GPC6: variants seen among roughly 807,000 people sequenced by gnomAD.
GPC6 encodes glypican-6.
A neutral mutation model predicts 55.2 loss-of-function variants in GPC6; 14 were observed. The observed-to-expected ratio is 0.25, with a 90% CI of 0.17 to 0.40. The LOEUF (loss-of-function observed/expected upper bound fraction) is 0.40. Ranked by LOEUF, GPC6 falls within the 10% of genes least tolerant of loss-of-function variation. The pLI, the probability that GPC6 is intolerant of heterozygous loss-of-function variation, is 1.00. For synonymous variants in GPC6, 278 were observed against 259.6 expected (o/e 1.07, Z -0.68); for missense variants, 641 against 708.5 (o/e 0.90, Z 1.08).
At chr13:94,353,323 C>CTAAT (rs1022206846) in intron 6 of GPC6, among the ~76,000 whole-genome samples, 2 of 152,204 alleles carry the variant, frequency 1.3e-5, no homozygotes, top group Middle Eastern at 3.4e-3. Context: ...AATCCAAAAC[C>CTAAT]TAATTTTTTT....
chr13:93,434,270 C>T (rs994703339), intron 1 of GPC6, among the ~76,000 whole-genome samples: 1 of 152,180 alleles, frequency 6.6e-6, no homozygotes, highest in African/African-American at 2.4e-5. Context: ...TCAGCTACTA[C>T]ATAGCACAGC....
At chr13:93,659,387 C>T (rs1475882189) in intron 2 of GPC6, among the ~76,000 whole-genome samples, 1 of 151,952 alleles carries the variant, frequency 6.6e-6, no homozygotes, top group Non-Finnish European at 1.5e-5. Context: ...TCTTCTCAAT[C>T]TGTATGAGAA....
intron 4 of GPC6, among the ~76,000 whole-genome samples, chr13:94,092,317 A>G (rs1885517470): frequency 6.6e-6 from 1 of 152,196 alleles, no homozygotes; most frequent in African/African-American, 2.4e-5. Flanking sequence ...TGCCCCTGCC[A>G]ACCACCATTC....
chr13:94,305,897 C>A, intron 5 of GPC6, 83 bp from the exon 6 acceptor site: 6 of 1,253,544 alleles, frequency 4.8e-6, no homozygotes, highest in South Asian at 4.8e-5. Flanking sequence ...AATGTGGACA[C>A]CATTGCATTG....
Position 93,696,305 on chromosome 13 carries a change from G to T in GPC6, c.320-133849G>T, listed in dbSNP as rs75981599. ...ACAAACTTTGAATATTTAGAGTTTT[G>T]GTATTGCTTTTAACGAAAGTTAAAA... On this transcript the variant is annotated intron_variant, in intron 2 of 8. Transcript: ENST00000377047. Among the ~76,000 whole-genome samples, 125 of 152,010 alleles carry T rather than the reference G, an allele frequency of 8.2e-4. 1 individual carries two copies. The East Asian group carries it at 0.024, about 29-fold the overall frequency.
chr13:94,359,098 C>A (rs189196572), intron 6 of GPC6, among the ~76,000 whole-genome samples: 4 of 152,250 alleles, frequency 2.6e-5, no homozygotes, highest in Admixed American at 6.5e-5. Flanking sequence ...ATAAATAACA[C>A]CCCACTTTCA....
chr13:93,696,968 T>G (rs571396281), intron 2 of GPC6, among the ~76,000 whole-genome samples: 7 of 152,168 alleles, frequency 4.6e-5, no homozygotes, highest in Middle Eastern at 3.4e-3. Context: ...ATTTCTTGAG[T>G]CATCAACTTC....
chr13:94,156,001 A>G lies in GPC6; in HGVS notation c.877+128107A>G, dbSNP rs1018375023. Among the ~76,000 whole-genome samples, 3 of 152,188 alleles carry G rather than the reference A, an allele frequency of 2.0e-5. No homozygotes were observed. In the South Asian group the frequency reaches 6.2e-4, roughly 32 times the overall value. ...TTCGAAGGATGAGGAAAGAAGCCCA[A>G]AGAAGTAGGGTAGCATGCCTGGGCT... On this transcript the variant is annotated intron_variant, in intron 4 of 8. Transcript: ENST00000377047.
chr13:94,184,964 A>G (rs1889119805), intron 4 of GPC6, among the ~76,000 whole-genome samples: 2 of 152,196 alleles, frequency 1.3e-5, no homozygotes. Flanking sequence ...TGCAACCATA[A>G]AAAAGAATGA....
intron 3 of GPC6, among the ~76,000 whole-genome samples, chr13:93,924,036 A>G (rs563901490): frequency 6.6e-6 from 1 of 152,302 alleles, no homozygotes; most frequent in East Asian, 1.9e-4. Context: ...GTGCAGTGCA[A>G]TAGCAGTGTG....
chr13:94,241,461 C>T (rs193166651), intron 4 of GPC6, among the ~76,000 whole-genome samples: 6 of 152,238 alleles, frequency 3.9e-5, no homozygotes, highest in African/African-American at 1.4e-4. Context: ...ACTCATTATA[C>T]ATATTTTCAC....
chr13:94,246,773 A>G (rs1396329414), intron 4 of GPC6, among the ~76,000 whole-genome samples: 2 of 152,032 alleles, frequency 1.3e-5, no homozygotes, highest in African/African-American at 4.8e-5. Context: ...TTTGTAATAT[A>G]ATTTAAAATC....
chr13:93,855,601 T>G (rs1888575983), intron 3 of GPC6, among the ~76,000 whole-genome samples: 1 of 151,666 alleles, frequency 6.6e-6, no homozygotes. Context: ...CAAACTGTCT[T>G]CCAAAGTGGC....
chr13:94,247,769 T>C (rs1280015735), intron 4 of GPC6, among the ~76,000 whole-genome samples: 1 of 152,130 alleles, frequency 6.6e-6, no homozygotes, highest in African/African-American at 2.4e-5. Flanking sequence ...GTAATGAGAA[T>C]TTTTGTATCA....
intron 4 of GPC6, among the ~76,000 whole-genome samples, chr13:94,181,641 C>G (rs543713866): frequency 6.6e-5 from 10 of 152,182 alleles, no homozygotes; most frequent in Non-Finnish European, 1.2e-4. Context: ...GTGTCTATCT[C>G]TGAACTCCCT....
intron 5 of GPC6, among the ~76,000 whole-genome samples, chr13:94,291,213 G>GAA (rs368447285): frequency 1.4e-5 from 2 of 141,586 alleles, no homozygotes; most frequent in Non-Finnish European, 3.1e-5. Context: ...AGAAAAGAAA[G>GAA]AAAAAAAAAA....
intron 2 of GPC6, among the ~76,000 whole-genome samples, chr13:93,786,994 C>T (rs1047590495): frequency 1.3e-5 from 2 of 152,154 alleles, no homozygotes; most frequent in African/African-American, 2.4e-5. Flanking sequence ...TATTGTTGTA[C>T]ATTTTAAGGA....
chr13:94,360,499 G>T (rs1879010245), intron 6 of GPC6, among the ~76,000 whole-genome samples: 1 of 152,138 alleles, frequency 6.6e-6, no homozygotes, highest in South Asian at 2.1e-4. Context: ...TCTTGTATTT[G>T]TTTGGAGGGT....
rs201940730 is a variant in GPC6 at position 93,876,314 on chromosome 13, GA to G, written c.711+45778del. 5.5e-4 allele frequency among the ~76,000 whole-genome samples: 82 copies of G among 149,992 alleles called. 1 individual carries two copies. The Middle Eastern group carries it at 0.01, about 19-fold the overall frequency. ...TATAAACTTGATATCTGAACTTAGG[GA>G]AAAAAAAACCTAACTTTTGTCTTGA... On this transcript the variant is annotated intron_variant, in intron 3 of 8. Transcript: ENST00000377047.
Sources: allele counts gnomAD v4.1 joint callset (sites outside exome capture counted in the v4.1 genomes callset), GRCh38; gene constraint gnomAD v4.1.1; transcripts MANE v1.5; gene names NCBI Gene and HGNC (gene_info 2026-07-23, HGNC 2026-07-21).